Variants in DDX19B observed in about 807,000 individuals in gnomAD.
DDX19B encodes DEAD-box helicase 19B, also known as ATP-dependent RNA helicase DDX19B.
In DDX19B, 27 loss-of-function variants were observed where a neutral mutation model predicts 58.1. That is an observed-to-expected ratio of 0.46 (90% CI 0.34 to 0.64). The LOEUF (loss-of-function observed/expected upper bound fraction) is 0.64. Among genes scored for constraint, DDX19B ranks in the 30% least tolerant of loss-of-function variants. The pLI is 0.01. For missense variants in DDX19B, 399 were observed against 596.5 expected, an observed-to-expected ratio of 0.67 and a Z score of 3.45; for synonymous variants, 187 against 214.4, an observed-to-expected ratio of 0.87 and a Z score of 1.12.
At chr16:70,313,669 C>T (rs1004305208) in intron 2 of DDX19B, among the ~76,000 whole-genome samples, 3 of 152,094 alleles carry the variant, frequency 2.0e-5, no homozygotes, top group African/African-American at 7.2e-5. Context: ...TCATATTTAT[C>T]CAAAGTTAAG....
intron 11 of DDX19B, 49 bp from the exon 12 acceptor site, chr16:70,333,472 A>T: frequency 6.2e-7 from 1 of 1,613,468 alleles, no homozygotes; most frequent in Non-Finnish European, 8.5e-7. Flanking sequence ...GTGGCCCAAG[A>T]TGGGGCACAT....
chr16:70,295,452 T>A (rs868105346), upstream of DDX19B, among the ~76,000 whole-genome samples: 17 of 147,946 alleles, frequency 1.1e-4, no homozygotes, highest in South Asian at 8.5e-4. Context: ...TAAAAAAAAT[T>A]TTTTTTTTTT....
Position 70,325,677 on chromosome 16 carries a change from G to A in DDX19B, c.596G>A (p.Arg199Gln), listed in dbSNP as rs1178743004. The change falls in exon 7 of 12, where the codon CGA (arginine) becomes CAA (glutamine). Residue 199 changes from arginine (R) to glutamine (Q), a missense_variant. This residue lies in a region of DDX19B where 67 missense variants were observed against 74.3 expected (regional missense o/e 0.90). Coordinates refer to ENST00000288071, the MANE Select transcript of DDX19B (RefSeq NM_007242.7). Reference sequence around the variant, plus strand: ...GAACTGAAGCTAGCTTATGCTGTTCGAGGCAATAAATGTGAGTATGTGAAT... The same window carrying A: ...GAACTGAAGCTAGCTTATGCTGTTCAAGGCAATAAATGTGAGTATGTGAAT... ...YPELKLAYAV[R>Q]GNKLERGQKI... 3.7e-6 allele frequency: 6 copies of A among 1,610,586 alleles called. No individual in the cohort carries two copies. The African/African-American group carries it at 4.0e-5, about 11-fold the overall frequency.
At chr16:70,316,412 G>A (rs910586869) in intron 4 of DDX19B, among the ~76,000 whole-genome samples, 4 of 152,140 alleles carry the variant, frequency 2.6e-5, no homozygotes, top group Non-Finnish European at 4.4e-5. Context: ...GTTTCACTAT[G>A]TTGGCCAGGC....
chr16:70,292,564 T>A (rs11866378), upstream of DDX19B, among the ~76,000 whole-genome samples: 10,835 of 152,296 alleles, frequency 0.071, 1,296 homozygotes, highest in African/African-American at 0.25. Context: ...AGATGTCAAC[T>A]ACATGCTAGA....
At chr16:70,299,482 T>C in intron 1 of DDX19B, 128 bp downstream of exon 1, 3 of 1,150,940 alleles carry the variant, frequency 2.6e-6, no homozygotes, top group Non-Finnish European at 2.3e-6. Context: ...GGATGGAGCC[T>C]GGACCCTGAG....
In DDX19B at chr16:70,333,057, C is replaced by T. The variant is rs1963561026; in HGVS notation, c.1276C>T (p.Arg426Trp). The change falls in exon 11 of 12, where the codon CGG becomes TGG. Residue 426 changes from arginine to tryptophan, a missense_variant. Transcript: ENST00000288071. ...GNPDNETYLH[R>W]IGRTGRFGKR... ...TCCTGACAATGAGACCTACCTGCAC[C>T]GGATCGGGCGCACGGGCCGCTTTGG... The T allele has an allele frequency of 1.2e-6, 2 of 1,610,664 alleles. No individual in the cohort carries two copies. The highest frequency in any genetic ancestry group is 1.1e-5 in the South Asian group (1 of 90,834).
chr16:70,322,405 A>T (rs1200698153), intron 5 of DDX19B, among the ~76,000 whole-genome samples: 1 of 151,984 alleles, frequency 6.6e-6, no homozygotes, highest in Non-Finnish European at 1.5e-5. Flanking sequence ...AGCCTGGCCA[A>T]CATGGCGAAA....
chr16:70,292,562 A>G (rs547980884), upstream of DDX19B, among the ~76,000 whole-genome samples: 5 of 152,350 alleles, frequency 3.3e-5, no homozygotes, highest in Non-Finnish European at 7.3e-5. Flanking sequence ...GTAGATGTCA[A>G]CTACATGCTA....
chr16:70,327,552 AAAAC>A (rs1045958285), intron 7 of DDX19B, among the ~76,000 whole-genome samples: 4 of 142,134 alleles, frequency 2.8e-5, no homozygotes, highest in African/African-American at 9.9e-5. Flanking sequence ...CAAACAAAAA[AAAAC>A]AAACAAATTT....
rs374942062 is a variant in DDX19B, at chr16:70,300,408, A to G, written c.57+1054A>G. ...TTTTTTGTAGAGATGGGGACTTGCCATGTTGCCCAGGCTGGTCTCGAACTC... is the reference window on the plus strand; with the variant it reads ...TTTTTTGTAGAGATGGGGACTTGCCGTGTTGCCCAGGCTGGTCTCGAACTC... On this transcript the variant is annotated intron_variant, in intron 1 of 11. Coordinates refer to ENST00000288071, the MANE Select transcript of DDX19B (RefSeq NM_007242.7). 1.4e-3 allele frequency among the ~76,000 whole-genome samples: 207 copies of G among 151,832 alleles called. 5 individuals carry two copies. The highest frequency in any genetic ancestry group is 4.6e-3 in the African/African-American group (189 of 41,418).
At chr16:70,328,295 A>AT (rs1487663923) in intron 7 of DDX19B, among the ~76,000 whole-genome samples, 2 of 151,662 alleles carry the variant, frequency 1.3e-5, no homozygotes, top group Non-Finnish European at 2.9e-5. Flanking sequence ...AGTGAAACTT[A>AT]TTGGGAGATA....
chr16:70,317,450 C>T (rs750901423), intron 4 of DDX19B, 46 bp from the exon 5 acceptor site: 3 of 1,484,986 alleles, frequency 2.0e-6, no homozygotes, highest in South Asian at 2.4e-5. Flanking sequence ...TTGCTGCTTT[C>T]CTCAACCAAA....
At chr16:70,319,941 A>G (rs78046001) in intron 5 of DDX19B, among the ~76,000 whole-genome samples, 1 of 152,108 alleles carries the variant, frequency 6.6e-6, no homozygotes, top group South Asian at 2.1e-4. Flanking sequence ...GTACTTTCTC[A>G]AAGTTTTTTG....
At chr16:70,316,963 T>C (rs1962455928) in intron 4 of DDX19B, among the ~76,000 whole-genome samples, 1 of 151,864 alleles carries the variant, frequency 6.6e-6, no homozygotes, top group Admixed American at 6.6e-5. Flanking sequence ...TCCCAGGACT[T>C]TGGGAGGCTG....
In DDX19B at chr16:70,333,274, TC is replaced by T. The variant is rs908519168; in HGVS notation, c.1378+117del. 4.0e-6 allele frequency: 3 copies of T among 740,812 alleles called. No individual in the cohort carries two copies. In the African/African-American group the frequency reaches 5.4e-5, roughly 13 times the overall value. The allele number at this position is 740,812 out of a possible 1,614,324, so 45.9% of individuals were successfully genotyped here. ...AGGCTCTGTCCCTAGCACACTCCCC[TC>T]CTTTCTGACCATATGGCAGTTCTCA... On this transcript the variant is annotated intron_variant, in intron 11 of 11. Transcript: ENST00000288071.
chr16:70,295,746 T>A (rs1194283214), upstream of DDX19B, among the ~76,000 whole-genome samples: 1 of 152,074 alleles, frequency 6.6e-6, no homozygotes, highest in African/African-American at 2.4e-5. Flanking sequence ...ACACCTGTAG[T>A]CCCAGCTACT....
chr16:70,312,527 T>G, intron 1 of DDX19B, 82 bp from the exon 2 acceptor site: 1 of 1,246,898 alleles, frequency 8.0e-7, no homozygotes. Flanking sequence ...ATCCCCAGCT[T>G]CATTAGGGAG....
upstream of DDX19B, among the ~76,000 whole-genome samples, chr16:70,298,170 G>T (rs1046186406): frequency 6.6e-6 from 1 of 152,176 alleles, no homozygotes. Flanking sequence ...CACTTTGGGA[G>T]GCCAAGGCAG....
Sources: gnomAD v4.1 joint callset for allele counts (sites outside exome capture counted in the v4.1 genomes callset) on GRCh38, gnomAD v4.1.1 for gene constraint, gnomAD v4.1.1 regional missense constraint, MANE v1.5 for transcripts, NCBI Gene and HGNC (gene_info 2026-07-23, HGNC 2026-07-21) for gene names.